CPEB3: variants seen among roughly 807,000 people sequenced by gnomAD.
CPEB3 encodes the protein cytoplasmic polyadenylation element binding protein 3, also known as cytoplasmic polyadenylation element-binding protein 3.
In CPEB3, 20 loss-of-function variants were observed where a neutral mutation model predicts 67.2. That is an observed-to-expected ratio of 0.30 (90% CI 0.21 to 0.43). The LOEUF is 0.43. Among genes scored for constraint, CPEB3 ranks in the 20% least tolerant of loss-of-function variants. CPEB3 has a pLI of 1.00. For missense variants in CPEB3, 746 were observed against 968.6 expected, an observed-to-expected ratio of 0.77 and a Z score of 3.05; for synonymous variants, 376 against 393.1, an observed-to-expected ratio of 0.96 and a Z score of 0.51.
chr10:92,284,064 G>A (rs1189250867), intron 1 of CPEB3, among the ~76,000 whole-genome samples: 1 of 124,140 alleles, frequency 8.1e-6, no homozygotes, highest in Non-Finnish European at 1.7e-5. Flanking sequence ...TCCTGAGACA[G>A]AGTCTCACTC....
At chr10:92,216,699 C>T (rs1467130509) in intron 2 of CPEB3, 1 of 1,605,508 alleles carries the variant, frequency 6.2e-7, no homozygotes, top group Admixed American at 1.7e-5. Context: ...TCCAAGCGCC[C>T]CACCTGTGTG....
At chr10:92,265,992 A>G (rs576220465) in intron 1 of CPEB3, among the ~76,000 whole-genome samples, 1 of 152,106 alleles carries the variant, frequency 6.6e-6, no homozygotes, top group African/African-American at 2.4e-5. Context: ...GGATTATGAT[A>G]AAGGTGGGAC....
chr10:92,231,528 A>G (rs188457032), intron 2 of CPEB3, among the ~76,000 whole-genome samples: 38 of 151,354 alleles, frequency 2.5e-4, no homozygotes, highest in South Asian at 6.3e-4. Flanking sequence ...CTCCCACTCC[A>G]TCCCTCCATT....
Position 92,112,502 on chromosome 10 carries a change from A to T in CPEB3, c.1454-1308T>A, listed in dbSNP as rs542679314. On this transcript the variant is annotated intron_variant, in intron 6 of 9. Transcript: ENST00000265997. ...AGATGAAACAAACATTTAGACAATT[A>T]ACTACTCACTACAAAGCTGAGGGAG... Among the ~76,000 whole-genome samples the T allele has an allele frequency of 7.9e-5, 12 of 152,270 alleles. No homozygotes were observed. In the South Asian group the frequency reaches 2.3e-3, roughly 29 times the overall value.
chr10:92,071,295 A>G (rs769246060), intron 9 of CPEB3, among the ~76,000 whole-genome samples: 1 of 152,204 alleles, frequency 6.6e-6, no homozygotes, highest in Non-Finnish European at 1.5e-5. Context: ...AGCGGACAAC[A>G]TGACCAAGCT....
At chr10:92,103,296 ACAT>A (rs1398115846) in intron 7 of CPEB3, among the ~76,000 whole-genome samples, 1 of 152,226 alleles carries the variant, frequency 6.6e-6, no homozygotes, top group Non-Finnish European at 1.5e-5. Context: ...GAAAGCATAA[ACAT>A]AATAGCTGAT....
At chr10:92,201,284 T>C (rs897889934) in intron 2 of CPEB3, among the ~76,000 whole-genome samples, 1 of 152,074 alleles carries the variant, frequency 6.6e-6, no homozygotes. Context: ...TCCTAGCACT[T>C]TGGGAGGCCG....
chr10:92,099,691 T>TTTA (rs1844077476), intron 7 of CPEB3, among the ~76,000 whole-genome samples: 1 of 138,906 alleles, frequency 7.2e-6, no homozygotes, highest in Non-Finnish European at 1.6e-5. Context: ...CCATTTCTAC[T>TTTA]AAAAAAAAAA....
rs374239608 is a variant in CPEB3, at chr10:92,239,898, G to C, written c.453C>G (p.Phe151Leu). ...TCTGCGCCAGGCCGATCTGCGGGGA[G>C]AAAGTGCCTCCGAAGACTGGGTTGA... ...HHVNPVFGGT[F>L]SPQIGLAQTQ... The change falls in exon 2 of 10, where the codon TTC becomes TTG. Residue 151 changes from phenylalanine to leucine, a missense_variant. Phe to Leu is a conservative substitution (Grantham distance 22). Around this residue, in one of 2 missense-constraint regions of CPEB3, gnomAD observed 643 missense variants for 717.5 expected, o/e 0.90. Transcript: ENST00000265997. This position sits in a 1 kb window ranked among gnomAD's most constrained non-coding sequence, Gnocchi z 6.0. 16 of 1,612,336 alleles carry C rather than the reference G, an allele frequency of 9.9e-6. No homozygotes were observed. Among genetic ancestry groups the C allele is most frequent in the Non-Finnish European group, 8.5e-7 (1 of 1,179,292 alleles).
intron 6 of CPEB3, among the ~76,000 whole-genome samples, chr10:92,119,863 T>C (rs1360901237): frequency 6.6e-6 from 1 of 152,052 alleles, no homozygotes; most frequent in East Asian, 1.9e-4. Context: ...ATCGAAGTCA[T>C]GCACCATTTT....
chr10:92,260,681 A>C (rs1852757030), intron 1 of CPEB3, among the ~76,000 whole-genome samples: 1 of 151,950 alleles, frequency 6.6e-6, no homozygotes, highest in Non-Finnish European at 1.5e-5. Context: ...ATCTCAGCTC[A>C]TTCCACCTAT....
intron 2 of CPEB3, among the ~76,000 whole-genome samples, chr10:92,208,583 CTT>C (rs11358111): frequency 2.1e-5 from 3 of 144,442 alleles, no homozygotes; most frequent in African/African-American, 7.6e-5. Flanking sequence ...TCTGAAAGCC[CTT>C]TTTTTTTTTC....
chr10:92,207,892 C>T (rs1463097014), intron 2 of CPEB3, among the ~76,000 whole-genome samples: 1 of 152,086 alleles, frequency 6.6e-6, no homozygotes, highest in African/African-American at 2.4e-5. Flanking sequence ...AACAAAAAAA[C>T]ATGTTAAGTG....
At chr10:92,151,261 T>C (rs1264725426) in intron 4 of CPEB3, among the ~76,000 whole-genome samples, 1 of 152,200 alleles carries the variant, frequency 6.6e-6, no homozygotes, top group Non-Finnish European at 1.5e-5. Flanking sequence ...GCCTCTGCCA[T>C]CACTCCAGCA....
chr10:92,234,105 CA>C (rs1266057741), intron 2 of CPEB3, among the ~76,000 whole-genome samples: 1,028 of 81,718 alleles, frequency 0.013, 3 homozygotes, highest in East Asian at 0.034. Context: ...GACTTTGTCT[CA>C]AAAAAAAAAA....
At chr10:92,127,442 G>A (rs887755727) in intron 6 of CPEB3, among the ~76,000 whole-genome samples, 4 of 152,062 alleles carry the variant, frequency 2.6e-5, no homozygotes, top group South Asian at 2.1e-4. Context: ...TTGGGAGACC[G>A]AGGCAGGTGG....
chr10:92,205,375 T>C (rs1259918994), intron 2 of CPEB3, among the ~76,000 whole-genome samples: 1 of 152,200 alleles, frequency 6.6e-6, no homozygotes, highest in Admixed American at 6.5e-5. Flanking sequence ...GAGTATCTCA[T>C]TGGATTACCT....
intron 4 of CPEB3, among the ~76,000 whole-genome samples, chr10:92,164,160 C>T (rs766861584): frequency 1.2e-4 from 18 of 152,130 alleles, no homozygotes; most frequent in Non-Finnish European, 2.6e-4. Context: ...GTCTTCTAAT[C>T]CCCAAGGCAG....
chr10:92,249,377 CAA>C (rs59237572), intron 1 of CPEB3, among the ~76,000 whole-genome samples: 1,598 of 120,646 alleles, frequency 0.013, 19 homozygotes, highest in African/African-American at 0.045. Context: ...GACTCCGTCT[CAA>C]AAAAAAAAAA....
Sources: gnomAD v4.1 joint callset for allele counts (sites outside exome capture counted in the v4.1 genomes callset) on GRCh38, gnomAD v4.1.1 for gene constraint, gnomAD v4.1.1 regional missense constraint, Gnocchi (gnomAD v3.1) non-coding constraint, MANE v1.5 for transcripts, NCBI Gene and HGNC (gene_info 2026-07-23, HGNC 2026-07-21) for gene names.